The following FNDC7 variants were observed in gnomAD, a reference collection of about 807,000 sequenced individuals.
FNDC7 encodes the protein fibronectin type III domain-containing protein 7.
In FNDC7, 66 loss-of-function variants were observed where a neutral mutation model predicts 74.2. That is an observed-to-expected ratio of 0.89 (90% CI 0.73 to 1.09). FNDC7 has a LOEUF of 1.09. Among genes scored for constraint, FNDC7 ranks in the 50% least tolerant of loss-of-function variants. The pLI is 0.00. For synonymous variants in FNDC7, 307 were observed against 330.2 expected, an observed-to-expected ratio of 0.93 and a Z score of 0.76; for missense variants, 829 against 893.4, an observed-to-expected ratio of 0.93 and a Z score of 0.92.
rs1209333935 is a variant in FNDC7 at position 108,733,453 on chromosome 1, G to C, written c.2061G>C (p.Gly687=). 9 of 1,614,024 alleles carry C rather than the reference G, an allele frequency of 5.6e-6. No homozygotes were observed. Among genetic ancestry groups the C allele is most frequent in the Non-Finnish European group, 7.6e-6 (9 of 1,180,006 alleles). The change falls in exon 10 of 13, where the codon GGG becomes GGC. Residue 687 remains glycine (G), a synonymous_variant. Coordinates refer to ENST00000370017, the MANE Select transcript of FNDC7 (RefSeq NM_001144937.3). ...GTGATGTCACTGAGATACCCTGTGG[G>C]GATGTATACACTGTGATGGTCTCAC... The part of the protein sequence containing the change: ...SFCDVTEIPC[G]DVYTVMVSPV...
chr1:108,730,688 A>G lies in FNDC7; in HGVS notation c.1639A>G (p.Thr547Ala), dbSNP rs368636855. The part of the protein sequence containing the change: ...VPLETVPCCP[T>A]GLTVTQITQS... The stretch of plus-strand genomic sequence containing the variant: ...TCCCATTTAAGTGCCATGCTGTCCA[A>G]CCGGTCTGACAGTAACTCAAATCAC... Residue 547 changes from threonine (T) to alanine (A), a missense_variant, in exon 9 of 13, where the codon ACC (threonine) becomes GCC (alanine). Physicochemically the swap from Thr to Ala is moderately conservative, Grantham distance 58 (BLOSUM62 0). Transcript: ENST00000370017. 19 of 1,579,580 alleles carry G rather than the reference A, an allele frequency of 1.2e-5. No individual in the cohort carries two copies. The highest frequency in any genetic ancestry group is 5.4e-5 in the Admixed American group (3 of 55,956).
rs1304663422 is a variant in FNDC7 at position 108,725,824 on chromosome 1, G to A, written c.931G>A (p.Asp311Asn). ...GHLSVAWSSV[D>N]LGDYYVVFVK... ...CCTGTCTGTGGCTTGGTCCAGTGTA[G>A]ATCTGGGTGACTACTATGTGGTCTT... The change falls in exon 6 of 13, where the codon GAT becomes AAT. Residue 311 changes from aspartate to asparagine, a missense_variant. Physicochemically the swap from Asp to Asn is conservative, Grantham distance 23 (BLOSUM62 1). Transcript: ENST00000370017. 1 of 1,614,168 alleles carries A rather than the reference G, an allele frequency of 6.2e-7. No individual in the cohort carries two copies. Among genetic ancestry groups the A allele is most frequent in the Non-Finnish European group, 8.5e-7 (1 of 1,180,010 alleles).
rs79609147 is a variant in FNDC7, at chr1:108,717,375, A to C, written c.83-402A>C. On this transcript the variant is annotated intron_variant, in intron 2 of 12. Transcript: ENST00000370017. ...GCTGTGGGACCAGGAGGGGAGATCA[A>C]TGGCAAAGCAGCCTGCAAAAGTCAC... 5.1e-4 allele frequency among the ~76,000 whole-genome samples: 77 copies of C among 152,328 alleles called. 1 individual carries two copies. The East Asian group carries it at 0.013, about 26-fold the overall frequency.
rs1466096965 is a variant in FNDC7 at position 108,721,676 on chromosome 1, A to G, written c.599-659A>G. On this transcript the variant is annotated intron_variant, in intron 4 of 12. Transcript: ENST00000370017. ...TTTTTTAATGCGGTAACTCTTAAGA[A>G]AGGAAGGTATATTTACAAGAATGTA... is the stretch of plus-strand genomic sequence containing the variant. 2.0e-5 allele frequency among the ~76,000 whole-genome samples: 3 copies of G among 152,158 alleles called. No homozygotes were observed. In the East Asian group the frequency reaches 5.8e-4, roughly 29 times the overall value.
intron 11 of FNDC7, among the ~76,000 whole-genome samples, chr1:108,738,399 G>A (rs1371972211): frequency 1.3e-5 from 2 of 152,260 alleles, no homozygotes; most frequent in Non-Finnish European, 2.9e-5. Context: ...AGCCATGAGT[G>A]TTGACCCAGT....
At chr1:108,721,456 G>A (rs1395793918) in intron 4 of FNDC7, among the ~76,000 whole-genome samples, 4 of 152,122 alleles carry the variant, frequency 2.6e-5, no homozygotes, top group South Asian at 2.1e-4. Flanking sequence ...GCGACAGAGC[G>A]AGGCTCCGTC....
intron 10 of FNDC7, chr1:108,734,766 G>A (rs1661472763): frequency 1.3e-5 from 2 of 152,198 alleles, no homozygotes; most frequent in South Asian, 4.1e-4. Flanking sequence ...GTGTCAGGAT[G>A]AGCTCTTAGG....
At chr1:108,716,320 GGTGTGTGT>G (rs141850435) in intron 2 of FNDC7, among the ~76,000 whole-genome samples, 4,493 of 95,542 alleles carry the variant, frequency 0.047, 101 homozygotes, top group African/African-American at 0.062. Flanking sequence ...GCAGAAGAGA[GGTGTGTGT>G]GTGTGTGTGT....
At chr1:108,713,394 G>A in intron 1 of FNDC7, 117 bp from the exon 2 acceptor site, 1 of 833,504 alleles carries the variant, frequency 1.2e-6, no homozygotes, top group Non-Finnish European at 2.0e-6. Flanking sequence ...TTGAAAGACT[G>A]CTCACGTTAG....
At chr1:108,714,626 T>TACA (rs1660936111) in intron 2 of FNDC7, among the ~76,000 whole-genome samples, 1 of 149,136 alleles carries the variant, frequency 6.7e-6, no homozygotes, top group Non-Finnish European at 1.5e-5. Flanking sequence ...TTTTTTTTTT[T>TACA]GAGACAGAGT....
chr1:108,728,353 C>G (rs1185242630), intron 7 of FNDC7, among the ~76,000 whole-genome samples: 1 of 152,194 alleles, frequency 6.6e-6, no homozygotes, highest in African/African-American at 2.4e-5. Flanking sequence ...TGCCTGTACT[C>G]ACACCATGAA....
Position 108,741,791 on chromosome 1 carries a change from G to T in FNDC7, c.2189G>T (p.Arg730Ile). The change falls in exon 12 of 13, where the codon AGA (arginine) becomes ATA (isoleucine). Residue 730 changes from arginine to isoleucine, a missense_variant. By Grantham distance (97) the Arg-to-Ile change is moderately conservative. Coordinates refer to ENST00000370017, the MANE Select transcript of FNDC7 (RefSeq NM_001144937.3). ...TLGMVIYRGK[R>I]NEE ...TTTTCAGTGATTTATAGAGGGAAGA[G>T]AAATGAAGAATGACAAAGTGAGCCC... 6.2e-7 allele frequency: 1 copy of T among 1,613,916 alleles called. No homozygotes were observed.
intron 1 of FNDC7, 65 bp downstream of exon 1, chr1:108,713,061 T>C: frequency 2.1e-6 from 3 of 1,424,086 alleles, no homozygotes; most frequent in South Asian, 1.3e-5. Context: ...ATTATTTTTC[T>C]CTCCTTTTTT....
chr1:108,720,444 C>T (rs1661070180), intron 4 of FNDC7, among the ~76,000 whole-genome samples: 1 of 152,192 alleles, frequency 6.6e-6, no homozygotes, highest in Admixed American at 6.5e-5. Context: ...GAGACAGCAT[C>T]CCCTAGAATA....
At chr1:108,720,499 T>C (rs1366416616) in intron 4 of FNDC7, among the ~76,000 whole-genome samples, 1 of 152,208 alleles carries the variant, frequency 6.6e-6, no homozygotes, top group African/African-American at 2.4e-5. Flanking sequence ...CCCCATGTTT[T>C]ACAAAGCTTT....
chr1:108,729,028 T>G (rs1432441449), intron 8 of FNDC7, 142 bp downstream of exon 8: 5 of 1,062,366 alleles, frequency 4.7e-6, no homozygotes, highest in Non-Finnish European at 6.6e-6. Flanking sequence ...GTCCCGGTCA[T>G]AGACAATAAA....
chr1:108,733,696 G>T (rs1264347851), intron 10 of FNDC7, among the ~76,000 whole-genome samples, 164 bp downstream of exon 10: 1 of 146,688 alleles, frequency 6.8e-6, no homozygotes, highest in African/African-American at 2.6e-5. Flanking sequence ...TGTCGCCCAG[G>T]CTGGAGTGCA....
chr1:108,725,780 A>T lies in FNDC7; in HGVS notation c.887A>T (p.Gln296Leu), dbSNP rs760903758. Residue 296 changes from glutamine to leucine, a missense_variant, in exon 6 of 13, where the codon CAA (glutamine) becomes CTA (leucine). Gln to Leu is a moderately radical substitution (Grantham distance 113). Coordinates refer to ENST00000370017, the MANE Select transcript of FNDC7 (RefSeq NM_001144937.3). ...TGTGCACCCGGAAGAGTGACGATCC[A>T]AGAAGATCCCCCTGGCCACCTGTCT... ...VACAPGRVTI[Q>L]EDPPGHLSVA... 1 of 1,614,144 alleles carries T rather than the reference A, an allele frequency of 6.2e-7. No individual in the cohort carries two copies. The highest frequency in any genetic ancestry group is 1.1e-5 in the South Asian group (1 of 91,076).
At chr1:108,735,952 T>C (rs567686492) in intron 10 of FNDC7, among the ~76,000 whole-genome samples, 1 of 152,122 alleles carries the variant, frequency 6.6e-6, no homozygotes, top group East Asian at 1.9e-4. Context: ...ACTATAGGCA[T>C]GCCCCACCAT....
Sources: gnomAD v4.1 joint callset for allele counts (sites outside exome capture counted in the v4.1 genomes callset) on GRCh38, gnomAD v4.1.1 for gene constraint, MANE v1.5 for transcripts, NCBI Gene and HGNC (gene_info 2026-07-23, HGNC 2026-07-21) for gene names.